LACTBL1: variants seen among roughly 807,000 people sequenced by gnomAD.
LACTBL1 encodes lactamase beta like 1, also known as beta-lactamase-like protein 1.
A neutral mutation model predicts 39.6 loss-of-function variants in LACTBL1; 29 were observed. The ratio of observed to expected loss-of-function variants is 0.73; its 90% CI spans 0.55 to 1.00. The LOEUF (loss-of-function observed/expected upper bound fraction) is 1.00. Ranked by LOEUF, LACTBL1 falls within the 50% of genes least tolerant of loss-of-function variation. The probability of loss-of-function intolerance (pLI) is 0.00; values close to 1 mark genes in which losing one functional copy is unlikely to be tolerated. For synonymous variants in LACTBL1, 361 were observed against 360.7 expected (o/e 1.00, Z -0.01); for missense variants, 711 against 748.5 (o/e 0.95, Z 0.59).
rs1018860194 is a variant in LACTBL1, at chr1:22,964,463, A to G, written c.49+827T>C. On this transcript the variant is annotated intron_variant, in intron 1 of 5. Coordinates refer to ENST00000426928, the Ensembl canonical transcript of LACTBL1. Reference sequence around the variant, plus strand: ...ACCGCCCCCCTCAACCCGACCCCCAAGCCGACTTGCCCAGTGCACCAGAGA... The same window carrying G: ...ACCGCCCCCCTCAACCCGACCCCCAGGCCGACTTGCCCAGTGCACCAGAGA... Among the ~76,000 whole-genome samples, 7 of 152,200 alleles carry G rather than the reference A, an allele frequency of 4.6e-5. No individual in the cohort carries two copies. In the East Asian group the frequency reaches 1.3e-3, roughly 29 times the overall value.
chr1:22,961,759 CTT>C (rs1640824850), intron 2 of LACTBL1, among the ~76,000 whole-genome samples: 1 of 151,996 alleles, frequency 6.6e-6, no homozygotes, highest in Non-Finnish European at 1.5e-5. Flanking sequence ...CCTGCACTAA[CTT>C]TGCCTTTCTT....
chr1:22,969,686 G>GGGCACCTGCCATTCCTTC (rs1640919287), upstream of LACTBL1, among the ~76,000 whole-genome samples: 1 of 147,324 alleles, frequency 6.8e-6, no homozygotes, highest in African/African-American at 2.5e-5. Flanking sequence ...GCCATTCCTT[G>GGGCACCTGCCATTCCTTC]GGGCTGTGGT....
intron 5 of LACTBL1, 30 bp downstream of exon 7, chr1:22,955,291 T>G: frequency 6.6e-7 from 1 of 1,518,512 alleles, no homozygotes; most frequent in Non-Finnish European, 8.9e-7. Context: ...GCTCCTAACA[T>G]GAGGCTGGGC....
chr1:22,966,053 CCA>C (rs1224177399), upstream of LACTBL1, among the ~76,000 whole-genome samples: 5 of 152,156 alleles, frequency 3.3e-5, no homozygotes, highest in Non-Finnish European at 7.3e-5. Flanking sequence ...TATGCTATAA[CCA>C]CTGAATTGTA....
At chr1:22,957,932 G>A (rs12024783) in intron 4 of LACTBL1, among the ~76,000 whole-genome samples, 74,644 of 151,962 alleles carry the variant, frequency 0.49, 22,512 homozygotes, top group Non-Finnish European at 0.68. Flanking sequence ...GATTAAAGGC[G>A]TGAGCCACCA....
chr1:22,970,489 G>A, the LACTBL1 span, among the ~76,000 whole-genome samples: 2 of 152,158 alleles, frequency 1.3e-5, no homozygotes, highest in Non-Finnish European at 2.9e-5. Flanking sequence ...CTTTGGGGAG[G>A]TCATGGAACT....
exon 6 of LACTBL1, chr1:22,953,890 A>G: frequency 6.5e-7 from 1 of 1,549,806 alleles, no homozygotes; most frequent in Admixed American, 2.0e-5. Context: ...GTCGGGCGTG[A>G]GGTCAAAGCC....
At chr1:22,965,248 AG>A in intron 1 of LACTBL1, 41 bp downstream of exon 3, 4 of 1,300,498 alleles carry the variant, frequency 3.1e-6, no homozygotes, top group South Asian at 5.2e-5. Context: ...AGGAGGACCC[AG>A]GGGGCTATGG....
At position 22,954,897 on chromosome 1, in the gene LACTBL1, T is replaced by A. The variant is rs1570497698; in HGVS notation, c.659+424A>T. ...CCCCACAGCCCCACTGCTCCCAGAG[T>A]GGGGCTTCTCTGTTCAGTGGCCACC... On this transcript the variant is annotated intron_variant, in intron 5 of 5. Transcript: ENST00000426928. 2.6e-5 allele frequency among the ~76,000 whole-genome samples: 4 copies of A among 152,046 alleles called. No individual in the cohort carries two copies. The South Asian group carries it at 8.3e-4, about 32-fold the overall frequency.
chr1:22,960,656 TAGTCA>T (rs1640812789), intron 2 of LACTBL1, among the ~76,000 whole-genome samples: 1 of 150,200 alleles, frequency 6.7e-6, no homozygotes. Context: ...GCTACTGCTT[TAGTCA>T]AACCCATGTC....
Position 22,958,841 on chromosome 1 carries a change from C to T in LACTBL1, c.397G>A (p.Asp133Asn), listed in dbSNP as rs1250136139. Reference sequence around the variant, plus strand: ...GTGCTGGCATACCGCTCCAGAGGGTCATCTAGGGAGGCCACGATGCCCTCC... The same window carrying T: ...GTGCTGGCATACCGCTCCAGAGGGTTATCTAGGGAGGCCACGATGCCCTCC... The change falls in exon 4 of 6, where the codon GAC (aspartate) becomes AAC (asparagine). Residue 133 changes from aspartate (D) to asparagine (N), a missense_variant. Physicochemically the swap from Asp to Asn is conservative, Grantham distance 23 (BLOSUM62 1). Transcript: ENST00000426928. 9 of 1,550,530 alleles carry T rather than the reference C, an allele frequency of 5.8e-6. No homozygotes were observed. In the African/African-American group the frequency reaches 1.1e-4, roughly 19 times the overall value.
At chr1:22,953,303 C>T in exon 6 of LACTBL1, 1 of 1,226,280 alleles carries the variant, frequency 8.2e-7, no homozygotes, top group Non-Finnish European at 1.0e-6. Flanking sequence ...ACCAGCGCCT[C>T]CACGCGCGGC....
intron 1 of LACTBL1, among the ~76,000 whole-genome samples, chr1:22,964,608 C>A (rs146240549): frequency 9.3e-4 from 142 of 152,344 alleles, no homozygotes; most frequent in Non-Finnish European, 1.7e-3. Flanking sequence ...CAATAGATAA[C>A]TGACGCAGAC....
chr1:22,956,773 C>T (rs748868275), intron 4 of LACTBL1, among the ~76,000 whole-genome samples: 1 of 152,086 alleles, frequency 6.6e-6, no homozygotes, highest in Non-Finnish European at 1.5e-5. Context: ...CCTGCTCCTG[C>T]CCCCAACCTT....
At chr1:22,971,343 C>A in the LACTBL1 span, among the ~76,000 whole-genome samples, 8 of 152,096 alleles carry the variant, frequency 5.3e-5, no homozygotes, top group Admixed American at 5.2e-4. Context: ...GAAGATGGGT[C>A]AGTATTTAAT....
intron 4 of LACTBL1, 35 bp downstream of exon 6, chr1:22,958,650 G>T (rs1640785493): frequency 3.4e-6 from 5 of 1,482,732 alleles, no homozygotes; most frequent in Non-Finnish European, 3.6e-6. Context: ...CACCTGAAAT[G>T]GTTTGGGTCA....
intron 4 of LACTBL1, among the ~76,000 whole-genome samples, chr1:22,957,236 T>C (rs1198108757): frequency 1.3e-5 from 2 of 152,188 alleles, no homozygotes; most frequent in East Asian, 3.8e-4. Context: ...TACAGCTGTG[T>C]CATAGTTCAT....
chr1:22,968,832 A>G (rs975359100), upstream of LACTBL1, among the ~76,000 whole-genome samples: 1 of 152,250 alleles, frequency 6.6e-6, no homozygotes, highest in Non-Finnish European at 1.5e-5. Context: ...GTTGATGTAT[A>G]AAAATAACAT....
chr1:22,968,938 T>C (rs530514008), upstream of LACTBL1, among the ~76,000 whole-genome samples: 11 of 152,288 alleles, frequency 7.2e-5, no homozygotes, highest in East Asian at 2.1e-3. Flanking sequence ...CGCAGTGATG[T>C]GATCAGTTTT....
Sources: allele counts gnomAD v4.1 joint callset (sites outside exome capture counted in the v4.1 genomes callset), GRCh38; gene constraint gnomAD v4.1.1; transcripts MANE v1.5; gene names NCBI Gene and HGNC (gene_info 2026-07-23, HGNC 2026-07-21).